Variants in GLYATL2 observed in about 807,000 individuals in gnomAD.
GLYATL2 encodes the protein glycine N-acyltransferase-like protein 2.
In GLYATL2, 25 loss-of-function variants were observed where a neutral mutation model predicts 21.4. The ratio of observed to expected loss-of-function variants is 1.17; its 90% CI spans 0.85 to 1.63. GLYATL2 has a LOEUF of 1.63. Among genes scored for constraint, GLYATL2 ranks in the 40% most tolerant of loss-of-function variants. The pLI is 0.00. For synonymous variants in GLYATL2, 114 were observed against 118.2 expected, an observed-to-expected ratio of 0.96 and a Z score of 0.23; for missense variants, 361 against 343.3, an observed-to-expected ratio of 1.05 and a Z score of -0.41.
intron 1 of GLYATL2, among the ~76,000 whole-genome samples, chr11:58,901,324 A>T (rs1017972038): frequency 2.6e-5 from 4 of 152,032 alleles, no homozygotes; most frequent in Admixed American, 6.6e-5. Flanking sequence ...TCACAATAAG[A>T]TTTTCATGCA....
chr11:58,839,212 A>T (rs935168301), intron 2 of GLYATL2, among the ~76,000 whole-genome samples: 1 of 152,124 alleles, frequency 6.6e-6, no homozygotes, highest in Non-Finnish European at 1.5e-5. Context: ...GAGTGATATG[A>T]CCCTATATGT....
chr11:58,840,522 C>T (rs1198203051), intron 1 of GLYATL2, among the ~76,000 whole-genome samples: 2 of 151,980 alleles, frequency 1.3e-5, no homozygotes, highest in Non-Finnish European at 2.9e-5. Context: ...GTCAGGAAAA[C>T]ATATGATGTA....
rs1385428860 is a variant in GLYATL2, at chr11:58,834,275, G to A, written c.*154C>T. 1 of 530,734 alleles carries A rather than the reference G, an allele frequency of 1.9e-6. No homozygotes were observed. The highest frequency in any genetic ancestry group is 2.0e-5 in the African/African-American group (1 of 50,954). The allele number at this position is 530,734 out of a possible 1,614,324, so 32.9% of individuals were successfully genotyped here. A position where few individuals can be genotyped will look rare whatever the true frequency, so the allele number is the denominator to read the frequency against. On this transcript the variant is annotated 3_prime_UTR_variant, in exon 6 of 6. Coordinates refer to ENST00000287275, the MANE Select transcript of GLYATL2 (RefSeq NM_145016.4). Reference sequence around the variant, plus strand: ...TTCTAATTTTCTGTAAGAATACAGAGGAGAAGGAAGGTAAAACTGTTAAGG... The same window carrying A: ...TTCTAATTTTCTGTAAGAATACAGAAGAGAAGGAAGGTAAAACTGTTAAGG...
At chr11:58,841,032 A>G (rs985170181) in intron 1 of GLYATL2, among the ~76,000 whole-genome samples, 2 of 152,028 alleles carry the variant, frequency 1.3e-5, no homozygotes, top group African/African-American at 4.8e-5. Context: ...TTCCAGCCAT[A>G]TACACGGCTG....
chr11:58,876,083 G>A lies in GLYATL2; in HGVS notation n.60+28073C>T, dbSNP rs11826033. Reference sequence around the variant, plus strand: ...ACCCTTTCTTCCAGTTGATCGCATCGGTTACTGAGGCTTGTGCATTCATCA... The same window carrying A: ...ACCCTTTCTTCCAGTTGATCGCATCAGTTACTGAGGCTTGTGCATTCATCA... On this transcript the variant is annotated intron_variant and non_coding_transcript_variant, in intron 1 of 4. Coordinates refer to the GLYATL2 transcript ENST00000533636. Among the ~76,000 whole-genome samples the A allele has an allele frequency of 1.7e-3, 262 of 152,070 alleles. 1 individual carries two copies. Among genetic ancestry groups the A allele is most frequent in the African/African-American group, 6.0e-3 (250 of 41,488 alleles).
chr11:58,876,517 C>T (rs1009265507), intron 1 of GLYATL2, among the ~76,000 whole-genome samples: 8 of 152,160 alleles, frequency 5.3e-5, no homozygotes, highest in African/African-American at 1.9e-4. Flanking sequence ...AGTCAGGACC[C>T]TCAACTGCAG....
intron 1 of GLYATL2, among the ~76,000 whole-genome samples, chr11:58,883,135 T>C (rs1456470314): frequency 2.0e-5 from 3 of 152,202 alleles, no homozygotes; most frequent in Admixed American, 6.5e-5. Flanking sequence ...AATCTATAAA[T>C]TACCTTGGGC....
intron 1 of GLYATL2, among the ~76,000 whole-genome samples, chr11:58,881,094 A>G (rs1199003192): frequency 6.6e-6 from 1 of 152,218 alleles, no homozygotes; most frequent in Admixed American, 6.5e-5. Context: ...TCTATATATG[A>G]CATGTTGATT....
In GLYATL2 at chr11:58,834,797, C is replaced by T. The variant is rs775789275; in HGVS notation, c.517G>A (p.Ala173Thr). 5.6e-6 allele frequency: 9 copies of T among 1,609,734 alleles called. No homozygotes were observed. The highest frequency in any genetic ancestry group is 7.6e-6 in the Non-Finnish European group (9 of 1,178,592). Reference protein sequence around the residue: ...FSNMFLDASHAGLVNEHWAFG... With the variant: ...FSNMFLDASHTGLVNEHWAFG... ...GCCCAGTGTTCATTCACAAGACCTG[C>T]ATGTGAAGCATCTAAGAACATGTTT... The change falls in exon 6 of 6, where the codon GCA becomes ACA. Residue 173 changes from alanine (A) to threonine (T), a missense_variant. Coordinates refer to ENST00000287275, the MANE Select transcript of GLYATL2 (RefSeq NM_145016.4).
upstream of GLYATL2, among the ~76,000 whole-genome samples, chr11:58,908,984 C>T (rs752388453): frequency 2.6e-5 from 4 of 152,116 alleles, no homozygotes; most frequent in Non-Finnish European, 4.4e-5. Flanking sequence ...GCAGAAATAA[C>T]GAACTTCAGA....
intron 1 of GLYATL2, among the ~76,000 whole-genome samples, chr11:58,901,051 G>C (rs895638092): frequency 2.6e-5 from 4 of 152,106 alleles, no homozygotes; most frequent in Admixed American, 2.6e-4. Flanking sequence ...GCAAATCCAG[G>C]GCTGAGTGAG....
At chr11:58,867,794 A>C (rs2134600004) in intron 1 of GLYATL2, among the ~76,000 whole-genome samples, 1 of 148,980 alleles carries the variant, frequency 6.7e-6, no homozygotes, top group South Asian at 2.2e-4. Context: ...ATAAGGCTAA[A>C]CCTTTCGGTT....
intron 1 of GLYATL2, among the ~76,000 whole-genome samples, chr11:58,894,269 A>G (rs930478806): frequency 1.3e-5 from 2 of 152,180 alleles, no homozygotes; most frequent in African/African-American, 2.4e-5. Context: ...GGAGTGAGCC[A>G]GATAAAAAAA....
chr11:58,840,258 A>C lies in GLYATL2; in HGVS notation c.-40-606T>G, dbSNP rs569750497. Reference sequence around the variant, plus strand: ...GGAATTATATGTTAGCAACCTTAAAAATAGACCAAACTCTTTTATTCAGTA... The same window carrying C: ...GGAATTATATGTTAGCAACCTTAAACATAGACCAAACTCTTTTATTCAGTA... On this transcript the variant is annotated intron_variant, in intron 1 of 5. Coordinates refer to ENST00000287275, the MANE Select transcript of GLYATL2 (RefSeq NM_145016.4). Among the ~76,000 whole-genome samples, 3 of 152,302 alleles carry C rather than the reference A, an allele frequency of 2.0e-5. No individual in the cohort carries two copies. The South Asian group carries it at 6.2e-4, about 32-fold the overall frequency.
At chr11:58,887,467 A>G (rs911685924) in intron 1 of GLYATL2, among the ~76,000 whole-genome samples, 6 of 152,158 alleles carry the variant, frequency 3.9e-5, no homozygotes, top group Non-Finnish European at 8.8e-5. Context: ...TGATTATACA[A>G]GTGGAAAAAT....
chr11:58,889,334 T>C (rs888220160), intron 1 of GLYATL2, among the ~76,000 whole-genome samples: 8 of 151,960 alleles, frequency 5.3e-5, no homozygotes, highest in Admixed American at 1.3e-4. Flanking sequence ...TACTGTACTC[T>C]GCAAACAAAG....
Position 58,898,482 on chromosome 11 carries a change from C to CT in GLYATL2, n.60+5673dup, listed in dbSNP as rs138211723. 3.4e-3 allele frequency among the ~76,000 whole-genome samples: 501 copies of CT among 146,754 alleles called. 6 individuals carry two copies. Among genetic ancestry groups the CT allele is most frequent in the African/African-American group, 0.01 (417 of 39,898 alleles). ...TGTTTTTAACTCACTATTGTTTCCT[C>CT]TTTTTTTTTTTTTTATCTGCTCTTA... On this transcript the variant is annotated intron_variant and non_coding_transcript_variant, in intron 1 of 4. Transcript: ENST00000533636.
upstream of GLYATL2, among the ~76,000 whole-genome samples, chr11:58,847,418 GC>G (rs1214956816): frequency 1.3e-5 from 2 of 152,198 alleles, no homozygotes; most frequent in Non-Finnish European, 2.9e-5. Flanking sequence ...GCAGGACTTA[GC>G]TCTTGAACAG....
At chr11:58,843,420 G>T (rs10896851) in intron 1 of GLYATL2, among the ~76,000 whole-genome samples, 39,235 of 151,742 alleles carry the variant, frequency 0.26, 5,470 homozygotes, top group East Asian at 0.5. Context: ...ATGTAAAGAT[G>T]GACACTATGA....
Sources: gnomAD v4.1 joint callset for allele counts (sites outside exome capture counted in the v4.1 genomes callset) on GRCh38, gnomAD v4.1.1 for gene constraint, MANE v1.5 for transcripts, NCBI Gene and HGNC (gene_info 2026-07-23, HGNC 2026-07-21) for gene names.